SLC24A2: variants seen among roughly 807,000 people sequenced by gnomAD.
The protein encoded by SLC24A2 is solute carrier family 24 member 2, also known as sodium/potassium/calcium exchanger 2.
In SLC24A2, 36 loss-of-function variants were observed where a neutral mutation model predicts 62.0. The ratio of observed to expected loss-of-function variants is 0.58; its 90% CI spans 0.44 to 0.77. The LOEUF (loss-of-function observed/expected upper bound fraction) is 0.77, where lower values mean the gene tolerates loss of function less well. Ranked by LOEUF, SLC24A2 falls within the 30% of genes least tolerant of loss-of-function variation. The pLI is 0.00. For synonymous variants in SLC24A2, 358 were observed against 294.0 expected, an observed-to-expected ratio of 1.22 and a Z score of -2.23; for missense variants, 846 against 817.9, an observed-to-expected ratio of 1.03 and a Z score of -0.42.
intron 4 of SLC24A2, among the ~76,000 whole-genome samples, chr9:19,609,249 A>C (rs1459264685): frequency 6.6e-6 from 1 of 152,190 alleles, no homozygotes; most frequent in Non-Finnish European, 1.5e-5. Context: ...TTGGGGATTC[A>C]AATGCTCCAG....
chr9:19,757,987 A>G (rs1564083540), intron 2 of SLC24A2, among the ~76,000 whole-genome samples: 1 of 152,250 alleles, frequency 6.6e-6, no homozygotes, highest in East Asian at 1.9e-4. Context: ...AGAACCCTGT[A>G]TGAAAGCCCT....
At chr9:19,833,917 C>G in the SLC24A2 span, among the ~76,000 whole-genome samples, 1 of 152,200 alleles carries the variant, frequency 6.6e-6, no homozygotes, top group Non-Finnish European at 1.5e-5. Context: ...TTGCGGTTCA[C>G]CAATATCCGC....
intron 2 of SLC24A2, among the ~76,000 whole-genome samples, chr9:19,713,237 G>T (rs549903399): frequency 6.6e-6 from 1 of 151,982 alleles, no homozygotes; most frequent in East Asian, 1.9e-4. Flanking sequence ...ATGAAGGAAG[G>T]AAGTACCTGC....
At chr9:19,790,940 G>T (rs1401469594), upstream of SLC24A2, among the ~76,000 whole-genome samples, 1 of 152,152 alleles carries the variant, frequency 6.6e-6, no homozygotes, top group Non-Finnish European at 1.5e-5. Context: ...AGATGACCCT[G>T]AGTCTTGATT....
chr9:19,863,656 T>A, the SLC24A2 span, among the ~76,000 whole-genome samples: 5 of 144,628 alleles, frequency 3.5e-5, no homozygotes, highest in East Asian at 2.0e-4. Context: ...AATTTTTTTT[T>A]AAACAAATGC....
the SLC24A2 span, among the ~76,000 whole-genome samples, chr9:20,220,875 C>G: frequency 6.6e-6 from 1 of 152,136 alleles, no homozygotes; most frequent in Admixed American, 6.5e-5. Flanking sequence ...AGAACTTTCA[C>G]CTCTAAAGGA....
chr9:19,527,093 GAA>G (rs1223670093), intron 9 of SLC24A2, among the ~76,000 whole-genome samples: 1 of 152,094 alleles, frequency 6.6e-6, no homozygotes, highest in Non-Finnish European at 1.5e-5. Flanking sequence ...ATCATTTGTT[GAA>G]AAGTCTATTC....
chr9:19,687,149 G>T (rs186062765), intron 2 of SLC24A2, among the ~76,000 whole-genome samples: 9 of 151,994 alleles, frequency 5.9e-5, no homozygotes, highest in African/African-American at 2.2e-4. Flanking sequence ...ATGAGAGGAG[G>T]GTGAGGATCA....
At chr9:19,731,516 C>T (rs117135935) in intron 2 of SLC24A2, among the ~76,000 whole-genome samples, 2 of 113,710 alleles carry the variant, frequency 1.8e-5, no homozygotes, top group Non-Finnish European at 4.1e-5. Context: ...TCTCTCTCTC[C>T]GTGTGTGTGT....
the SLC24A2 span, among the ~76,000 whole-genome samples, chr9:19,820,110 AG>A: frequency 3.4e-5 from 5 of 145,824 alleles, no homozygotes; most frequent in East Asian, 9.9e-4. Context: ...AGCAATAAAA[AG>A]GAATGAATTA....
chr9:19,942,777 G>GT, the SLC24A2 span, among the ~76,000 whole-genome samples: 1 of 152,208 alleles, frequency 6.6e-6, no homozygotes, highest in East Asian at 1.9e-4. Flanking sequence ...AGAATTTAGT[G>GT]TAAGAGAAAG....
intron 2 of SLC24A2, among the ~76,000 whole-genome samples, chr9:19,648,025 A>G (rs1295230100): frequency 3.9e-5 from 6 of 152,228 alleles, no homozygotes; most frequent in Admixed American, 3.9e-4. Context: ...TGAAGAGCCA[A>G]CTAGCCAAGC....
chr9:20,191,879 G>A, the SLC24A2 span, among the ~76,000 whole-genome samples: 2 of 152,062 alleles, frequency 1.3e-5, no homozygotes, highest in African/African-American at 4.8e-5. Flanking sequence ...TATTTTAGGA[G>A]GGTACACACA....
intron 2 of SLC24A2, among the ~76,000 whole-genome samples, chr9:19,698,669 A>G (rs796088632): frequency 2.6e-5 from 4 of 152,314 alleles, no homozygotes; most frequent in African/African-American, 9.6e-5. Flanking sequence ...ATAAAGAGAA[A>G]CAAAAGAAAT....
the SLC24A2 span, among the ~76,000 whole-genome samples, chr9:19,988,838 C>T: frequency 2.6e-5 from 4 of 152,138 alleles, no homozygotes; most frequent in Admixed American, 6.5e-5. Context: ...CCTTTCACTC[C>T]AGATCTAAGG....
At chr9:19,525,382 A>C (rs1429704237) in intron 9 of SLC24A2, among the ~76,000 whole-genome samples, 1 of 45,098 alleles carries the variant, frequency 2.2e-5, no homozygotes, top group African/African-American at 7.9e-5. Flanking sequence ...TTTTTTTCCT[A>C]TTTCTTTACT....
the SLC24A2 span, among the ~76,000 whole-genome samples, chr9:19,917,615 T>C: frequency 1.3e-5 from 2 of 152,004 alleles, no homozygotes; most frequent in African/African-American, 2.4e-5. Context: ...TTTCTGTGTG[T>C]CTTATTAAAA....
chr9:20,068,901 T>C, the SLC24A2 span, among the ~76,000 whole-genome samples: 1 of 152,340 alleles, frequency 6.6e-6, no homozygotes, highest in Admixed American at 6.5e-5. Context: ...TGATGACTCC[T>C]AGTTCTTTAT....
the SLC24A2 span, among the ~76,000 whole-genome samples, chr9:19,940,399 G>T: frequency 6.6e-6 from 1 of 152,154 alleles, no homozygotes; most frequent in African/African-American, 2.4e-5. Flanking sequence ...TCATACATTG[G>T]CCTAGAGGTG....
Sources: gnomAD v4.1 joint callset for allele counts (sites outside exome capture counted in the v4.1 genomes callset) on GRCh38, gnomAD v4.1.1 for gene constraint, MANE v1.5 for transcripts, NCBI Gene and HGNC (gene_info 2026-07-23, HGNC 2026-07-21) for gene names.